CADM2: variants seen among roughly 807,000 people sequenced by gnomAD.
The protein encoded by CADM2 is immunoglobulin superfamily member 4D.
CADM2 carries 12 observed loss-of-function variants against 49.8 expected under a neutral mutation model. That is an observed-to-expected ratio of 0.24 (90% CI 0.15 to 0.39). The LOEUF (loss-of-function observed/expected upper bound fraction) is 0.39. Among genes scored for constraint, CADM2 ranks in the 10% least tolerant of loss-of-function variants. CADM2 has a pLI of 1.00. For missense variants in CADM2, 378 were observed against 492.3 expected (o/e 0.77, Z 2.20); for synonymous variants, 214 against 175.4 (o/e 1.22, Z -1.74).
At chr3:85,395,045 A>G (rs2034702458) in intron 1 of CADM2, among the ~76,000 whole-genome samples, 1 of 152,104 alleles carries the variant, frequency 6.6e-6, no homozygotes, top group East Asian at 1.9e-4. Flanking sequence ...TTTAATAATG[A>G]AATCTTATTG....
intron 1 of CADM2, among the ~76,000 whole-genome samples, chr3:85,659,032 A>G (rs2107604358): frequency 7.1e-6 from 1 of 141,046 alleles, no homozygotes; most frequent in Non-Finnish European, 1.5e-5. Context: ...AGCCTGGGCA[A>G]CAGAGTGAGA....
At chr3:85,173,252 C>T (rs1310402906) in intron 1 of CADM2, among the ~76,000 whole-genome samples, 1 of 151,788 alleles carries the variant, frequency 6.6e-6, no homozygotes, top group Non-Finnish European at 1.5e-5. Context: ...ATGTGAGATA[C>T]GGAGGAGACA....
intron 1 of CADM2, among the ~76,000 whole-genome samples, chr3:85,047,927 G>GA (rs1285167049): frequency 7.9e-5 from 12 of 152,078 alleles, no homozygotes; most frequent in Admixed American, 5.2e-4. Context: ...CAAGTTTTCT[G>GA]CAGAGTGACA....
intron 8 of CADM2, among the ~76,000 whole-genome samples, chr3:86,017,130 G>GA (rs888971848): frequency 3.4e-5 from 5 of 146,290 alleles, no homozygotes; most frequent in South Asian, 2.1e-4. Context: ...GGACAAGCTG[G>GA]AAAAAAAATG....
intron 1 of CADM2, among the ~76,000 whole-genome samples, chr3:85,413,154 AAAAAAAAAATAAT>A (rs1261033337): frequency 6.9e-6 from 1 of 144,228 alleles, no homozygotes; most frequent in Non-Finnish European, 1.5e-5. Context: ...AAAAAAAAAA[AAAAAAAAAATAAT>A]AATAATAATA....
intron 1 of CADM2, among the ~76,000 whole-genome samples, chr3:85,505,642 A>G (rs1317914063): frequency 6.6e-6 from 1 of 152,212 alleles, no homozygotes; most frequent in African/African-American, 2.4e-5. Context: ...CCTTTGTCAT[A>G]AAGTAGCCAT....
chr3:85,380,527 T>C (rs772878430), intron 1 of CADM2, among the ~76,000 whole-genome samples: 1 of 151,946 alleles, frequency 6.6e-6, no homozygotes, highest in Non-Finnish European at 1.5e-5. Context: ...TTAATTTCAA[T>C]TAATATATTT....
At chr3:85,045,787 T>A (rs1166607191) in intron 1 of CADM2, among the ~76,000 whole-genome samples, 1 of 152,104 alleles carries the variant, frequency 6.6e-6, no homozygotes, top group East Asian at 1.9e-4. Context: ...GATATCAGTT[T>A]CCTGGAACAT....
chr3:85,794,402 G>A (rs145940536), intron 2 of CADM2, among the ~76,000 whole-genome samples: 1,823 of 152,256 alleles, frequency 0.012, 22 homozygotes, highest in Middle Eastern at 0.034. Context: ...GGTAAACAGT[G>A]TAGCTGATTA....
At chr3:85,174,217 A>G (rs2040713190) in intron 1 of CADM2, among the ~76,000 whole-genome samples, 1 of 152,218 alleles carries the variant, frequency 6.6e-6, no homozygotes, top group Non-Finnish European at 1.5e-5. Context: ...CCTGAGAAAC[A>G]TAGGTGTCTA....
At chr3:85,690,277 A>T (rs1243978177) in intron 1 of CADM2, among the ~76,000 whole-genome samples, 2 of 152,240 alleles carry the variant, frequency 1.3e-5, no homozygotes, top group East Asian at 3.9e-4. Flanking sequence ...TGTGGGGAAA[A>T]ATGAAAAGTA....
intron 1 of CADM2, among the ~76,000 whole-genome samples, chr3:85,465,006 G>A (rs1186787547): frequency 6.6e-6 from 1 of 152,030 alleles, no homozygotes; most frequent in East Asian, 1.9e-4. Context: ...AAAATTAGCC[G>A]GGCGTGGTGG....
At chr3:85,308,755 A>G (rs1171661646) in intron 1 of CADM2, among the ~76,000 whole-genome samples, 1 of 152,012 alleles carries the variant, frequency 6.6e-6, no homozygotes, top group Non-Finnish European at 1.5e-5. Context: ...ACTTACATGC[A>G]CACCTCTTAA....
rs2039992809 is a variant in CADM2, at chr3:85,153,325, G to A, written c.61+193657G>A. Among the ~76,000 whole-genome samples, 8 of 152,220 alleles carry A rather than the reference G, an allele frequency of 5.3e-5. No homozygotes were observed. In the South Asian group the frequency reaches 1.7e-3, roughly 31 times the overall value. On this transcript the variant is annotated intron_variant, in intron 1 of 9. Coordinates refer to ENST00000383699, the MANE Select transcript of CADM2 (RefSeq NM_001167675.2). ...TTCCTAGTCAAAGAAAGGGGTGGCA[G>A]ATGGCACCTGGAAAATTGGGTCACT...
intron 1 of CADM2, among the ~76,000 whole-genome samples, chr3:85,272,540 T>C (rs2043266054): frequency 1.3e-5 from 2 of 151,322 alleles, no homozygotes; most frequent in Non-Finnish European, 3.0e-5. Flanking sequence ...AATAGAAGAA[T>C]GATATTAAAT....
At chr3:85,557,096 A>C (rs2061978049) in intron 1 of CADM2, among the ~76,000 whole-genome samples, 1 of 152,068 alleles carries the variant, frequency 6.6e-6, no homozygotes. Context: ...TACCCTTTAA[A>C]GAAGTTAGGG....
At chr3:85,580,545 C>A (rs1280185783) in intron 1 of CADM2, among the ~76,000 whole-genome samples, 2 of 152,058 alleles carry the variant, frequency 1.3e-5, no homozygotes, top group African/African-American at 2.4e-5. Context: ...ATTAGCATTG[C>A]ATAAATTACT....
intron 1 of CADM2, among the ~76,000 whole-genome samples, chr3:85,559,681 C>CAA (rs1559909794): frequency 1.6e-3 from 126 of 78,524 alleles, no homozygotes; most frequent in East Asian, 3.3e-3. Context: ...CACACACACA[C>CAA]ACACACATAT....
In CADM2 at chr3:85,417,878, A is replaced by T. The variant is rs117329170; in HGVS notation, c.62-308644A>T. Among the ~76,000 whole-genome samples the T allele has an allele frequency of 9.2e-5, 14 of 152,264 alleles. No individual in the cohort carries two copies. The East Asian group carries it at 2.7e-3, about 29-fold the overall frequency. ...AGGGATCTTGGTCAAATGAAAGTTC[A>T]TATTTAGAAGGTCTATGATGGATCT... On this transcript the variant is annotated intron_variant, in intron 1 of 9. Transcript: ENST00000383699.
Sources: allele counts gnomAD v4.1 joint callset (sites outside exome capture counted in the v4.1 genomes callset), GRCh38; gene constraint gnomAD v4.1.1; transcripts MANE v1.5; gene names NCBI Gene and HGNC (gene_info 2026-07-23, HGNC 2026-07-21).